Variants in TTC22 observed in about 807,000 individuals in gnomAD.
TTC22 encodes the protein tetratricopeptide repeat domain 22.
Under a neutral mutation model 48.2 loss-of-function variants are expected in TTC22, and 42 were observed. The ratio of observed to expected loss-of-function variants is 0.87; its 90% CI spans 0.68 to 1.13. The LOEUF (loss-of-function observed/expected upper bound fraction) is 1.13. TTC22 is among the 50% of genes most tolerant of loss of function. TTC22 has a pLI of 0.00. For synonymous variants in TTC22, 345 were observed against 365.5 expected, an observed-to-expected ratio of 0.94 and a Z score of 0.64; for missense variants, 784 against 807.0, an observed-to-expected ratio of 0.97 and a Z score of 0.34.
chr1:54,798,518 G>C (rs1384266321), intron 1 of TTC22, among the ~76,000 whole-genome samples: 1 of 152,248 alleles, frequency 6.6e-6, no homozygotes, highest in Non-Finnish European at 1.5e-5. Context: ...AGTACTTAGA[G>C]ATGATTGCCA....
chr1:54,781,496 G>A lies in TTC22; in HGVS notation c.1457C>T (p.Ala486Val), dbSNP rs1450215243. Residue 486 changes from alanine (A) to valine (V), a missense_variant, in exon 7 of 7, where the codon GCA (alanine) becomes GTA (valine). By Grantham distance (64) the Ala-to-Val change is moderately conservative. Transcript: ENST00000371276. ...GCCCAGCTCCCCGTCGCTCAGCTGT[G>A]CCTGGCTCCACTGCGCCAGCAGCGC... is the stretch of plus-strand genomic sequence containing the variant. ...LEALLAQWSQAQLSDGELGRE... is the reference protein window; with the variant it reads ...LEALLAQWSQVQLSDGELGRE... The A allele has an allele frequency of 1.3e-6, 2 of 1,498,660 alleles. No individual in the cohort carries two copies. Among genetic ancestry groups the A allele is most frequent in the Admixed American group, 4.3e-5 (2 of 46,526 alleles). The allele number at this position is 1,498,660 out of a possible 1,614,324, so 92.8% of individuals were successfully genotyped here.
At chr1:54,782,988 T>A (rs886718420) in intron 5 of TTC22, among the ~76,000 whole-genome samples, 17 of 152,192 alleles carry the variant, frequency 1.1e-4, no homozygotes, top group Non-Finnish European at 1.8e-4. Flanking sequence ...AGAGTCTATG[T>A]CAACAAGCAG....
intron 6 of TTC22, among the ~76,000 whole-genome samples, chr1:54,782,016 C>T (rs1320453292): frequency 6.6e-6 from 1 of 152,212 alleles, no homozygotes; most frequent in African/African-American, 2.4e-5. Context: ...CTCTGGATCT[C>T]GGTTTTCTTG....
rs367759810 is a variant in TTC22, at chr1:54,801,210, T to C, written c.-47A>G. The C allele has an allele frequency of 1.3e-6, 2 of 1,571,532 alleles. No homozygotes were observed. The highest frequency in any genetic ancestry group is 2.3e-5 in the East Asian group (1 of 44,016). On this transcript the variant is annotated 5_prime_UTR_variant, in exon 1 of 7. Coordinates refer to ENST00000371276, the MANE Select transcript of TTC22 (RefSeq NM_001114108.2). ...GGCCTCACCCTTGTCCCTGAGGCTG[T>C]GGAGGGCAGTGGATGGGGGCGTTCC... is the stretch of plus-strand genomic sequence containing the variant.
At chr1:54,786,880 C>G (rs568685184) in intron 4 of TTC22, 77 bp downstream of exon 4, 5 of 675,476 alleles carry the variant, frequency 7.4e-6, no homozygotes, top group Non-Finnish European at 1.2e-5. Context: ...CCCAGAGAAG[C>G]CTGGGTTCTA....
Position 54,781,574 on chromosome 1 carries a change from T to A in TTC22, c.1379A>T (p.Glu460Val). The A allele has an allele frequency of 6.6e-7, 1 of 1,523,318 alleles. No individual in the cohort carries two copies. Among genetic ancestry groups the A allele is most frequent in the East Asian group, 2.5e-5 (1 of 39,598 alleles). The allele number at this position is 1,523,318 out of a possible 1,614,324, so 94.4% of individuals were successfully genotyped here. A position where few individuals can be genotyped will look rare whatever the true frequency, so the allele number is the denominator to read the frequency against. Residue 460 changes from glutamate (E) to valine (V), a missense_variant, in exon 7 of 7, where the codon GAG becomes GTG. Transcript: ENST00000371276. Reference protein sequence around the residue: ...NAAACFKRAVELDDAGSSHTD... With the variant: ...NAAACFKRAVVLDDAGSSHTD... ...GTGGCTGGAGCCCGCGTCGTCCAGC[T>A]CCACTGCGCGCTTGAAGCAGGCGGC...
chr1:54,793,206 T>G (rs1646366332), intron 1 of TTC22: 1 of 152,240 alleles, frequency 6.6e-6, no homozygotes, highest in Non-Finnish European at 1.5e-5. Flanking sequence ...ATTAGGCTGC[T>G]GTTCTGTAGC....
At chr1:54,799,335 C>T (rs1646415733) in intron 1 of TTC22, among the ~76,000 whole-genome samples, 1 of 152,210 alleles carries the variant, frequency 6.6e-6, no homozygotes, top group African/African-American at 2.4e-5. Context: ...ATAGCTACCC[C>T]TGAATCACTG....
intron 1 of TTC22, 103 bp downstream of exon 1, chr1:54,800,494 G>T (rs1646424573): frequency 9.2e-7 from 1 of 1,087,804 alleles, no homozygotes; most frequent in Non-Finnish European, 1.2e-6. Flanking sequence ...AAAGACCATG[G>T]TTGAGAGAGA....
rs1219075398 is a variant in TTC22 at position 54,800,749 on chromosome 1, C to T, written c.415G>A (p.Ala139Thr). ...LMGLAEEPEA[A>T]GDPQLRAARC... ...GCGGCGCGGAGCTGGGGGTCCCCGG[C>T]GGCCTCGGGCTCCTCTGCCAGGCCC... is the stretch of plus-strand genomic sequence containing the variant. The change falls in exon 1 of 7, where the codon GCC becomes ACC. Residue 139 changes from alanine to threonine, a missense_variant. Physicochemically the swap from Ala to Thr is moderately conservative, Grantham distance 58 (BLOSUM62 0). Coordinates refer to ENST00000371276, the MANE Select transcript of TTC22 (RefSeq NM_001114108.2). 1.3e-6 allele frequency: 2 copies of T among 1,546,076 alleles called. No individual in the cohort carries two copies.
chr1:54,781,903 AATT>A, intron 6 of TTC22, 124 bp from the exon 7 acceptor site: 7 of 910,146 alleles, frequency 7.7e-6, no homozygotes, highest in Non-Finnish European at 1.1e-5. Context: ...CTCCATCGAC[AATT>A]ATTAATCACA....
At chr1:54,800,376 G>T (rs781361438) in intron 1 of TTC22, among the ~76,000 whole-genome samples, 1 of 152,202 alleles carries the variant, frequency 6.6e-6, no homozygotes, top group South Asian at 2.1e-4. Context: ...CCAAAAGAGA[G>T]GCTTGGGCAG....
rs1333430227 is a variant in TTC22, at chr1:54,785,859, T to C, written c.1020+124A>G. 5.6e-6 allele frequency: 5 copies of C among 895,766 alleles called. No homozygotes were observed. The South Asian group carries it at 8.9e-5, about 16-fold the overall frequency. 55.5% of individuals were successfully genotyped at this position (895,766 alleles called of 1,614,324 possible). On this transcript the variant is annotated intron_variant, in intron 5 of 6. Coordinates refer to ENST00000371276, the MANE Select transcript of TTC22 (RefSeq NM_001114108.2). ...GAACCCAACTGTGTTTTTTGATGGC[T>C]CCTAAGCTCCCTTCCACCATGAGGA...
chr1:54,796,957 A>G (rs1015211785), intron 1 of TTC22, among the ~76,000 whole-genome samples: 1 of 152,144 alleles, frequency 6.6e-6, no homozygotes, highest in South Asian at 2.1e-4. Flanking sequence ...GGAAGGCTCT[A>G]TTGAAGAGCA....
intron 5 of TTC22, chr1:54,784,743 G>A: frequency 7.7e-7 from 1 of 1,290,670 alleles, no homozygotes; most frequent in Non-Finnish European, 1.0e-6. Flanking sequence ...CATGTGGATA[G>A]TAGTGGAGAA....
rs3766422 is a variant in TTC22, at chr1:54,799,500, G to C, written c.567+1097C>G. Among the ~76,000 whole-genome samples the C allele has an allele frequency of 5.0e-3, 763 of 152,328 alleles. 2 individuals carry two copies. The highest frequency in any genetic ancestry group is 0.016 in the African/African-American group (657 of 41,572). The stretch of plus-strand genomic sequence containing the variant: ...GGAGAAGAAGGCCCCACTGTGGGTA[G>C]TGTTGCAGCTGAGACAAGAACCTAG... On this transcript the variant is annotated intron_variant, in intron 1 of 6. Transcript: ENST00000371276.
At chr1:54,785,640 C>T (rs1475890711) in intron 5 of TTC22, 3 of 409,122 alleles carry the variant, frequency 7.3e-6, no homozygotes, top group Non-Finnish European at 1.5e-5. Context: ...AGTGAGACCT[C>T]GTCTCTACAA....
chr1:54,787,348 A>AGCTC, intron 3 of TTC22: 1 of 555,024 alleles, frequency 1.8e-6, no homozygotes, highest in East Asian at 3.1e-5. Flanking sequence ...AGCTCTCACC[A>AGCTC]GCTCTGGTGG....
chr1:54,790,374 T>G (rs1368541741), intron 1 of TTC22, among the ~76,000 whole-genome samples: 3 of 151,700 alleles, frequency 2.0e-5, no homozygotes, highest in African/African-American at 7.3e-5. Context: ...AGTGAGACCG[T>G]GTTTCTTAAA....
Sources: gnomAD v4.1 joint callset for allele counts (sites outside exome capture counted in the v4.1 genomes callset) on GRCh38, gnomAD v4.1.1 for gene constraint, MANE v1.5 for transcripts, NCBI Gene and HGNC (gene_info 2026-07-23, HGNC 2026-07-21) for gene names.